The following SGCD variants were observed in gnomAD, a reference collection of about 807,000 sequenced individuals.
The protein encoded by SGCD is sarcoglycan delta.
SGCD carries 18 observed loss-of-function variants against 36.6 expected under a neutral mutation model. That is an observed-to-expected ratio of 0.49 (90% CI 0.34 to 0.73). SGCD has a LOEUF of 0.73. Ranked by LOEUF, SGCD falls within the 30% of genes least tolerant of loss-of-function variation. The pLI is 0.01. For missense variants in SGCD, 387 were observed against 346.7 expected (o/e 1.12, Z -0.92); for synonymous variants, 133 against 130.6 (o/e 1.02, Z -0.12).
At chr5:156,680,996 G>A (rs914404322) in intron 7 of SGCD, among the ~76,000 whole-genome samples, 2 of 152,068 alleles carry the variant, frequency 1.3e-5, no homozygotes, top group South Asian at 2.1e-4. Context: ...CCAGCCGGTC[G>A]CTCCTCTCTG....
chr5:156,377,631 C>T (rs191587929), intron 3 of SGCD, among the ~76,000 whole-genome samples: 45 of 152,172 alleles, frequency 3.0e-4, no homozygotes, highest in African/African-American at 1.0e-3. Flanking sequence ...AAAATAAAGC[C>T]AGCAGTGCAC....
chr5:155,960,063 G>T (rs566485279), intron 1 of SGCD, among the ~76,000 whole-genome samples: 1 of 152,056 alleles, frequency 6.6e-6, no homozygotes, highest in Non-Finnish European at 1.5e-5. Flanking sequence ...AGTGATTTCT[G>T]TGGCTCATAG....
At chr5:156,072,516 G>A (rs1034987776) in intron 1 of SGCD, among the ~76,000 whole-genome samples, 2 of 151,770 alleles carry the variant, frequency 1.3e-5, no homozygotes, top group African/African-American at 2.4e-5. Flanking sequence ...AGTCTGATGG[G>A]CTTTCCTTTG....
At chr5:156,179,027 C>T (rs1455075729) in intron 3 of SGCD, among the ~76,000 whole-genome samples, 5 of 152,158 alleles carry the variant, frequency 3.3e-5, no homozygotes, top group Admixed American at 6.5e-5. Flanking sequence ...AAATGACAAT[C>T]TCAGAATCAA....
intron 1 of SGCD, among the ~76,000 whole-genome samples, chr5:155,934,245 G>T (rs1284495800): frequency 6.6e-6 from 1 of 152,184 alleles, no homozygotes; most frequent in South Asian, 2.1e-4. Context: ...AAGAGTATTT[G>T]ACATCTGCAT....
intron 1 of SGCD, among the ~76,000 whole-genome samples, chr5:156,108,908 A>T (rs556502306): frequency 6.6e-6 from 1 of 152,286 alleles, no homozygotes; most frequent in African/African-American, 2.4e-5. Context: ...AGAGTAAGGG[A>T]GAGTTTAAAA....
At chr5:156,423,320 A>ACATTATAT (rs1773471637) in intron 3 of SGCD, among the ~76,000 whole-genome samples, 1 of 8,054 alleles carries the variant, frequency 1.2e-4, no homozygotes, top group South Asian at 4.5e-3. Flanking sequence ...TTATAATATA[A>ACATTATAT]TATATTTTAT....
chr5:156,542,987 A>G (rs960588167), intron 4 of SGCD, among the ~76,000 whole-genome samples: 5 of 152,174 alleles, frequency 3.3e-5, no homozygotes, highest in East Asian at 1.9e-4. Flanking sequence ...CATCTAAGAT[A>G]TAACAAAAAC....
chr5:156,421,672 TA>T (rs1454742995), intron 3 of SGCD, among the ~76,000 whole-genome samples: 1 of 152,070 alleles, frequency 6.6e-6, no homozygotes, highest in Non-Finnish European at 1.5e-5. Context: ...TTTAAATTGC[TA>T]AAAGAGCCCT....
chr5:156,735,189 T>G (rs1209251760), intron 7 of SGCD, among the ~76,000 whole-genome samples: 1 of 152,148 alleles, frequency 6.6e-6, no homozygotes, highest in Non-Finnish European at 1.5e-5. Flanking sequence ...GGGAGCTCCA[T>G]CCCAGAGAGG....
intron 1 of SGCD, among the ~76,000 whole-genome samples, chr5:155,979,665 G>T (rs909559965): frequency 6.6e-5 from 10 of 152,142 alleles, no homozygotes; most frequent in Admixed American, 6.5e-5. Flanking sequence ...AACTGCTGCT[G>T]GCCCAGTTGT....
intron 3 of SGCD, among the ~76,000 whole-genome samples, chr5:156,430,460 A>C (rs1190116498): frequency 6.6e-6 from 1 of 151,992 alleles, no homozygotes; most frequent in Non-Finnish European, 1.5e-5. Flanking sequence ...TGAGTAGCCT[A>C]ATAACCTTTG....
intron 3 of SGCD, among the ~76,000 whole-genome samples, chr5:156,496,810 A>G (rs546373192): frequency 1.4e-4 from 21 of 152,284 alleles, no homozygotes; most frequent in African/African-American, 5.1e-4. Context: ...AGTGCTTAAA[A>G]TGGTGACTGC....
intron 1 of SGCD, among the ~76,000 whole-genome samples, chr5:155,942,707 A>C (rs150946977): frequency 7.0e-4 from 106 of 152,294 alleles, no homozygotes; most frequent in African/African-American, 2.5e-3. Flanking sequence ...AGAGGAACAG[A>C]ACACAGATAG....
At chr5:156,292,720 G>A (rs990669646) in intron 3 of SGCD, among the ~76,000 whole-genome samples, 1 of 151,954 alleles carries the variant, frequency 6.6e-6, no homozygotes, top group Non-Finnish European at 1.5e-5. Context: ...ATTCCCACAG[G>A]CAGTATACAA....
intron 3 of SGCD, among the ~76,000 whole-genome samples, chr5:156,428,207 A>G (rs1372054619): frequency 6.6e-6 from 1 of 152,010 alleles, no homozygotes; most frequent in Non-Finnish European, 1.5e-5. Context: ...TTACTATTTC[A>G]ATCTTGCTGC....
chr5:156,234,864 G>C (rs1029496107), intron 3 of SGCD, among the ~76,000 whole-genome samples: 1 of 152,140 alleles, frequency 6.6e-6, no homozygotes, highest in Non-Finnish European at 1.5e-5. Context: ...GAACTAGGTA[G>C]GGTTGTAATC....
At chr5:155,777,790 G>GT in the SGCD span, among the ~76,000 whole-genome samples, 236 of 151,508 alleles carry the variant, frequency 1.6e-3, 1 homozygote, top group African/African-American at 4.9e-3. Context: ...TTGTTTCTGA[G>GT]TTTTTTTTTG....
intron 3 of SGCD, among the ~76,000 whole-genome samples, chr5:156,188,347 A>G (rs1301656543): frequency 6.6e-6 from 1 of 152,186 alleles, no homozygotes; most frequent in Non-Finnish European, 1.5e-5. Context: ...TACATTAGTT[A>G]AAAGGTGATA....
Sources: allele counts gnomAD v4.1 joint callset (sites outside exome capture counted in the v4.1 genomes callset), GRCh38; gene constraint gnomAD v4.1.1; transcripts MANE v1.5; gene names NCBI Gene and HGNC (gene_info 2026-07-23, HGNC 2026-07-21).